Variants in FAM131A observed in about 807,000 individuals in gnomAD.
The protein encoded by FAM131A is protein FAM131A.
FAM131A carries 24 observed loss-of-function variants against 39.2 expected under a neutral mutation model. That is an observed-to-expected ratio of 0.61 (90% CI 0.44 to 0.86). FAM131A has a LOEUF of 0.86. FAM131A is among the 40% of genes least tolerant of loss of function. The pLI is 0.00. For missense variants in FAM131A, 373 were observed against 481.2 expected, an observed-to-expected ratio of 0.78 and a Z score of 2.10; for synonymous variants, 202 against 206.8, an observed-to-expected ratio of 0.98 and a Z score of 0.20.
chr3:184,338,293 G>A, intron 1 of FAM131A, 94 bp from the exon 2 acceptor site: 2 of 1,308,054 alleles, frequency 1.5e-6, no homozygotes, highest in South Asian at 3.6e-5. Flanking sequence ...GAAGGTGGGG[G>A]AGGGGCCGAG....
rs944328093 is a variant in FAM131A, at chr3:184,345,626, G to C, written c.*656G>C. 4.3e-6 allele frequency: 3 copies of C among 701,342 alleles called. No individual in the cohort carries two copies. The African/African-American group carries it at 5.3e-5, about 12-fold the overall frequency. The allele number at this position is 701,342 out of a possible 1,614,324, so 43.4% of individuals were successfully genotyped here. A position where few individuals can be genotyped will look rare whatever the true frequency, so the allele number is the denominator to read the frequency against. ...ATCTTCTCTTCTCTGGGAGGCTTTG[G>C]AATGATGAAAGCATGTACCCTCCAC... On this transcript the variant is annotated 3_prime_UTR_variant, in exon 6 of 6. Transcript: ENST00000383847.
chr3:184,340,314 ATTT>A (rs3064292), intron 2 of FAM131A: 5 of 75,828 alleles, frequency 6.6e-5, no homozygotes, highest in African/African-American at 1.1e-4. Context: ...CAGCCTATGC[ATTT>A]TTTTTTTTTT....
At chr3:184,337,359 G>A (rs1015024820), upstream of FAM131A, 1 of 378,260 alleles carries the variant, frequency 2.6e-6, no homozygotes, top group Non-Finnish European at 4.8e-6. Context: ...AGAGACGGCT[G>A]CTCCAGCTAA....
chr3:184,343,928 G>A (rs1243824114), intron 5 of FAM131A, among the ~76,000 whole-genome samples: 1 of 152,180 alleles, frequency 6.6e-6, no homozygotes, highest in Non-Finnish European at 1.5e-5. Context: ...CCTGTTGTGC[G>A]ATGAGCAACC....
In FAM131A at chr3:184,343,440, C is replaced by T. The variant is rs571302970; in HGVS notation, c.625+580C>T. On this transcript the variant is annotated intron_variant, in intron 5 of 5. Coordinates refer to ENST00000383847, the MANE Select transcript of FAM131A (RefSeq NM_144635.5). ...CCCTGCAGGGCTCTGCAGCTGTGTT[C>T]GGCCCTCCTTTCATCTTTCATTCCC... 2.0e-5 allele frequency among the ~76,000 whole-genome samples: 3 copies of T among 152,302 alleles called. No homozygotes were observed. In the South Asian group the frequency reaches 6.2e-4, roughly 32 times the overall value.
At chr3:184,336,412 C>G (rs1727099495), upstream of FAM131A, among the ~76,000 whole-genome samples, 1 of 152,188 alleles carries the variant, frequency 6.6e-6, no homozygotes, top group Non-Finnish European at 1.5e-5. This position sits in a 1 kb window ranked among gnomAD's most constrained non-coding sequence, Gnocchi z 5.5. Context: ...GACGCACAGC[C>G]CCGGGAGGGG....
upstream of FAM131A, chr3:184,336,054 C>A (rs1157888794): frequency 7.2e-5 from 11 of 152,452 alleles, no homozygotes; most frequent in African/African-American, 2.4e-4. This position sits in a 1 kb window ranked among gnomAD's most constrained non-coding sequence, Gnocchi z 5.5. Flanking sequence ...GCCCGCGCCC[C>A]GAGCGCAGGC....
chr3:184,345,259 G>A lies in FAM131A; in HGVS notation c.*289G>A. 2.0e-6 allele frequency: 1 copy of A among 493,856 alleles called. No individual in the cohort carries two copies. The highest frequency in any genetic ancestry group is 3.6e-6 in the Non-Finnish European group (1 of 278,912). The allele number at this position is 493,856 out of a possible 1,614,324, so 30.6% of individuals were successfully genotyped here. On this transcript the variant is annotated 3_prime_UTR_variant, in exon 6 of 6. Coordinates refer to ENST00000383847, the MANE Select transcript of FAM131A (RefSeq NM_144635.5). ...ACAGTGATGTTCATGTTCTTAAAAT[G>A]CCACACACACATTTCCTCCTCGGAT...
chr3:184,337,831 ACAGGGAGAAC>A, intron 1 of FAM131A, 113 bp downstream of exon 1: 2 of 1,082,124 alleles, frequency 1.8e-6, no homozygotes, highest in Non-Finnish European at 2.7e-6. Flanking sequence ...CCAGGCTGAA[ACAGGGAGAAC>A]CAGGCTGGGG....
intron 2 of FAM131A, 48 bp downstream of exon 2, chr3:184,338,577 A>G: frequency 6.6e-7 from 1 of 1,525,144 alleles, no homozygotes; most frequent in Non-Finnish European, 8.8e-7. Flanking sequence ...ATCCATATAA[A>G]GGGGATCTGC....
rs956219492 is a variant in FAM131A, at chr3:184,345,103, C to T, written c.*133C>T. The stretch of plus-strand genomic sequence containing the variant: ...GGGCTCCTGGGAGCGCTCGCTTCTC[C>T]GTTGTGTGTTTTGCATGAAAGTGTT... On this transcript the variant is annotated 3_prime_UTR_variant, in exon 6 of 6. Transcript: ENST00000383847. 1.5e-5 allele frequency: 13 copies of T among 859,244 alleles called. No individual in the cohort carries two copies. Among genetic ancestry groups the T allele is most frequent in the East Asian group, 2.7e-5 (1 of 36,676 alleles). The allele number at this position is 859,244 out of a possible 1,614,324, so 53.2% of individuals were successfully genotyped here. A position where few individuals can be genotyped will look rare whatever the true frequency, so the allele number is the denominator to read the frequency against.
chr3:184,345,240 ATG>A lies in FAM131A; in HGVS notation c.*272_*273del. On this transcript the variant is annotated 3_prime_UTR_variant, in exon 6 of 6. Transcript: ENST00000383847. ...ATGGCTACAGCTGTGGCAGACAGTGATGTTCATGTTCTTAAAATGCCACACAC... is the reference window on the plus strand; with the variant it reads ...ATGGCTACAGCTGTGGCAGACAGTGATTCATGTTCTTAAAATGCCACACAC... 1 of 541,286 alleles carries A rather than the reference ATG, an allele frequency of 1.8e-6. No homozygotes were observed. Among genetic ancestry groups the A allele is most frequent in the Non-Finnish European group, 3.2e-6 (1 of 309,300 alleles). The allele number at this position is 541,286 out of a possible 1,614,324, so 33.5% of individuals were successfully genotyped here. A position where few individuals can be genotyped will look rare whatever the true frequency, so the allele number is the denominator to read the frequency against.
chr3:184,341,053 G>T, intron 2 of FAM131A: 1 of 154,956 alleles, frequency 6.5e-6, no homozygotes, highest in Non-Finnish European at 1.4e-5. Flanking sequence ...TGGGCAGGAG[G>T]CATTGAGGGC....
At chr3:184,343,124 A>C in intron 5 of FAM131A, 11 of 198,754 alleles carry the variant, frequency 5.5e-5, no homozygotes, top group East Asian at 1.1e-4. Context: ...GCAGTCCTCA[A>C]AAAAAAAAAA....
At chr3:184,337,842 C>G (rs1329879285) in intron 1 of FAM131A, 124 bp downstream of exon 1, 2 of 956,746 alleles carry the variant, frequency 2.1e-6, no homozygotes, top group Admixed American at 2.3e-5. Context: ...CAGGGAGAAC[C>G]AGGCTGGGGC....
upstream of FAM131A, among the ~76,000 whole-genome samples, chr3:184,336,343 A>G (rs1727091277): frequency 6.6e-6 from 1 of 152,140 alleles, no homozygotes; most frequent in African/African-American, 2.4e-5. The surrounding 1 kb of genome is among the most constrained non-coding windows in gnomAD (Gnocchi z 5.5). Flanking sequence ...GGGGTTTTGC[A>G]GGGCAGACGC....
At position 184,345,143 on chromosome 3, in the gene FAM131A, G is replaced by A. The variant is rs934037989; in HGVS notation, c.*173G>A. 1 of 706,712 alleles carries A rather than the reference G, an allele frequency of 1.4e-6. No homozygotes were observed. Among genetic ancestry groups the A allele is most frequent in the Non-Finnish European group, 2.3e-6 (1 of 443,454 alleles). 43.8% of individuals were successfully genotyped at this position (706,712 alleles called of 1,614,324 possible). On this transcript the variant is annotated 3_prime_UTR_variant, in exon 6 of 6. Coordinates refer to ENST00000383847, the MANE Select transcript of FAM131A (RefSeq NM_144635.5). ...ATGAAAGTGTTTGGAGAGGAGGCAG[G>A]GGCTGGGCTGGGGGCGCATGTCCTG...
rs1727598713 is a variant in FAM131A at position 184,345,383 on chromosome 3, C to T, written c.*413C>T. On this transcript the variant is annotated 3_prime_UTR_variant, in exon 6 of 6. Transcript: ENST00000383847. ...CCTCCCCATGCCTCTCTCTTCTCTG[C>T]TTTTCTTCTCACTTCCGAGTCCATG... 1 of 617,012 alleles carries T rather than the reference C, an allele frequency of 1.6e-6. No individual in the cohort carries two copies. Among genetic ancestry groups the T allele is most frequent in the African/African-American group, 1.8e-5 (1 of 54,068 alleles). 38.2% of individuals were successfully genotyped at this position (617,012 alleles called of 1,614,324 possible). A position where few individuals can be genotyped will look rare whatever the true frequency, so the allele number is the denominator to read the frequency against.
At chr3:184,343,048 A>C (rs1727455692) in intron 5 of FAM131A, 188 bp downstream of exon 5, 1 of 439,758 alleles carries the variant, frequency 2.3e-6, no homozygotes. Context: ...ATGAGCAGAC[A>C]GAAATGGATT....
Sources: allele counts gnomAD v4.1 joint callset (sites outside exome capture counted in the v4.1 genomes callset), GRCh38; gene constraint gnomAD v4.1.1; non-coding constraint Gnocchi (gnomAD v3.1); transcripts MANE v1.5; gene names NCBI Gene and HGNC (gene_info 2026-07-23, HGNC 2026-07-21).